ZFAND3: variants seen among roughly 807,000 people sequenced by gnomAD.
ZFAND3 encodes AN1-type zinc finger protein 3.
Under a neutral mutation model 29.6 loss-of-function variants are expected in ZFAND3, and 10 were observed. The observed-to-expected ratio is 0.34, with a 90% CI of 0.21 to 0.57. The LOEUF is 0.57. Ranked by LOEUF, ZFAND3 falls within the 20% of genes least tolerant of loss-of-function variation. ZFAND3 has a pLI of 0.86. For missense variants in ZFAND3, 230 were observed against 304.5 expected (o/e 0.76, Z 1.82); for synonymous variants, 128 against 112.6 (o/e 1.14, Z -0.87).
intron 2 of ZFAND3, among the ~76,000 whole-genome samples, chr6:38,041,701 TCCTCCTCCTCCTCCTCCTC>T (rs1763776622): frequency 2.2e-3 from 1 of 448 alleles, no homozygotes; most frequent in African/African-American, 3.4e-3. Flanking sequence ...CTCCTTCTCC[TCCTCCTCCTCCTCCTCCTC>T]CTCCTCCTCC....
At chr6:38,034,150 T>C (rs1318283266) in intron 2 of ZFAND3, among the ~76,000 whole-genome samples, 1 of 152,186 alleles carries the variant, frequency 6.6e-6, no homozygotes, top group Non-Finnish European at 1.5e-5. Flanking sequence ...TTCAGTTTCA[T>C]CTTTTGTGTG....
chr6:37,907,097 C>G (rs1256928365), intron 1 of ZFAND3, among the ~76,000 whole-genome samples: 3 of 151,678 alleles, frequency 2.0e-5, no homozygotes, highest in Admixed American at 2.0e-4. Context: ...TATAGCTTAG[C>G]CTGATGCCTG....
intron 5 of ZFAND3, among the ~76,000 whole-genome samples, chr6:38,129,667 C>T (rs1011700427): frequency 1.3e-5 from 2 of 152,068 alleles, no homozygotes; most frequent in African/African-American, 2.4e-5. Flanking sequence ...TGTTGTTTTC[C>T]GTTCGTCTGT....
intron 2 of ZFAND3, among the ~76,000 whole-genome samples, chr6:38,048,302 C>T (rs932877599): frequency 4.6e-5 from 7 of 152,032 alleles, no homozygotes; most frequent in African/African-American, 1.7e-4. Flanking sequence ...CATGCCCGGC[C>T]CCAACATTTT....
intron 1 of ZFAND3, among the ~76,000 whole-genome samples, chr6:37,903,544 C>T (rs573661525): frequency 2.0e-5 from 3 of 152,230 alleles, no homozygotes; most frequent in South Asian, 4.2e-4. Context: ...GCGCATATTC[C>T]GTTTAGTAGA....
intron 5 of ZFAND3, among the ~76,000 whole-genome samples, chr6:38,144,188 T>G (rs1327369020): frequency 2.6e-5 from 1 of 38,864 alleles, no homozygotes; most frequent in Non-Finnish European, 5.4e-5. Flanking sequence ...ATATATAATA[T>G]ATATATATAT....
At chr6:37,956,860 A>G (rs1017731115) in intron 2 of ZFAND3, among the ~76,000 whole-genome samples, 2 of 152,148 alleles carry the variant, frequency 1.3e-5, no homozygotes, top group Admixed American at 1.3e-4. Context: ...AAGAGAGGGA[A>G]AGCGTGGGAA....
intron 4 of ZFAND3, among the ~76,000 whole-genome samples, chr6:38,113,083 TAGGGA>T (rs1230014774): frequency 6.6e-6 from 1 of 152,214 alleles, no homozygotes; most frequent in African/African-American, 2.4e-5. Flanking sequence ...GATCTTCATC[TAGGGA>T]AGGGTAAGTG....
chr6:38,061,528 C>T (rs1037607555), intron 2 of ZFAND3, 65 bp from the exon 3 acceptor site: 1 of 1,576,058 alleles, frequency 6.3e-7, no homozygotes. Context: ...TACCAACTTC[C>T]ATTGTTTTCT....
intron 1 of ZFAND3, among the ~76,000 whole-genome samples, chr6:37,897,216 A>G (rs1196272211): frequency 6.6e-6 from 1 of 152,168 alleles, no homozygotes; most frequent in African/African-American, 2.4e-5. Flanking sequence ...CCTTGTCTGT[A>G]CGTAACTATT....
intron 1 of ZFAND3, among the ~76,000 whole-genome samples, chr6:37,907,890 A>G (rs1324604505): frequency 6.6e-6 from 1 of 152,152 alleles, no homozygotes; most frequent in Non-Finnish European, 1.5e-5. Context: ...TTTATCTCTT[A>G]TGTATTTCAG....
rs544250162 is a variant in ZFAND3 at position 38,115,158 on chromosome 6, G to C, written c.362-1414G>C. Among the ~76,000 whole-genome samples, 6 of 152,190 alleles carry C rather than the reference G, an allele frequency of 3.9e-5. No individual in the cohort carries two copies. In the South Asian group the frequency reaches 1.0e-3, roughly 26 times the overall value. The stretch of plus-strand genomic sequence containing the variant: ...TACAGTGCAGCAGGGCTGGGGGACT[G>C]TGAGCAAACTACCATCATCACCATC... On this transcript the variant is annotated intron_variant, in intron 4 of 5. Transcript: ENST00000287218.
rs569917280 is a variant in ZFAND3 at position 37,935,019 on chromosome 6, A to G, written c.112+5020A>G. On this transcript the variant is annotated intron_variant, in intron 2 of 5. Transcript: ENST00000287218. The stretch of plus-strand genomic sequence containing the variant: ...TACATTTGTTTGGAAATGTGGATCT[A>G]TATCTCTCAAGTCTAAGACTATTGT... Among the ~76,000 whole-genome samples, 20 of 152,204 alleles carry G rather than the reference A, an allele frequency of 1.3e-4. No homozygotes were observed. The South Asian group carries it at 1.9e-3, about 14-fold the overall frequency.
chr6:37,925,789 G>C (rs1761474469), intron 1 of ZFAND3, among the ~76,000 whole-genome samples: 1 of 152,130 alleles, frequency 6.6e-6, no homozygotes, highest in African/African-American at 2.4e-5. Context: ...GAAAAGATGG[G>C]TCAGGCAAAT....
intron 2 of ZFAND3, among the ~76,000 whole-genome samples, chr6:38,014,315 A>T (rs764904323): frequency 1.2e-4 from 18 of 150,076 alleles, no homozygotes; most frequent in Admixed American, 2.7e-4. Flanking sequence ...ATTTTACTTT[A>T]TTATTATTAT....
chr6:37,918,469 C>T (rs1317971993), intron 1 of ZFAND3, among the ~76,000 whole-genome samples: 1 of 152,096 alleles, frequency 6.6e-6, no homozygotes, highest in South Asian at 2.1e-4. Context: ...GCCTGTTTAA[C>T]CTTGTAGTTT....
At chr6:37,842,369 C>G (rs1477926476) in intron 1 of ZFAND3, among the ~76,000 whole-genome samples, 1 of 152,102 alleles carries the variant, frequency 6.6e-6, no homozygotes, top group East Asian at 1.9e-4. Flanking sequence ...TTTTCCCCAT[C>G]ATAGATTAGT....
At position 37,887,993 on chromosome 6, in the gene ZFAND3, G is replaced by A. The variant is rs1053431944; in HGVS notation, c.72-41966G>A. ...CGTCATTCTTGACTATACTAAGAAG[G>A]CATTCATAGACTCTTCTTCCTGAGC... On this transcript the variant is annotated intron_variant, in intron 1 of 5. Coordinates refer to ENST00000287218, the MANE Select transcript of ZFAND3 (RefSeq NM_021943.3). Among the ~76,000 whole-genome samples, 19 of 152,198 alleles carry A rather than the reference G, an allele frequency of 1.2e-4. 2 individuals are homozygous for A. In the South Asian group the frequency reaches 1.7e-3, roughly 13 times the overall value.
chr6:37,920,707 C>T (rs538775325), intron 1 of ZFAND3, among the ~76,000 whole-genome samples: 76 of 152,348 alleles, frequency 5.0e-4, no homozygotes, highest in African/African-American at 1.8e-3. Flanking sequence ...ACAGCTCCAT[C>T]TTCTCCATTG....
Sources: gnomAD v4.1 joint callset for allele counts (sites outside exome capture counted in the v4.1 genomes callset) on GRCh38, gnomAD v4.1.1 for gene constraint, MANE v1.5 for transcripts, NCBI Gene and HGNC (gene_info 2026-07-23, HGNC 2026-07-21) for gene names.